Variants in MYLK observed in about 807,000 individuals in gnomAD.
MYLK encodes the protein myosin light chain kinase, smooth muscle.
Under a neutral mutation model 203.4 loss-of-function variants are expected in MYLK, and 106 were observed. The observed-to-expected ratio is 0.52, with a 90% CI of 0.45 to 0.61. The LOEUF is 0.61. Ranked by LOEUF, MYLK falls within the 20% of genes least tolerant of loss-of-function variation. MYLK has a pLI of 0.00. For missense variants in MYLK, 2,072 were observed against 2,442.3 expected, an observed-to-expected ratio of 0.85 and a Z score of 3.20; for synonymous variants, 867 against 959.5, an observed-to-expected ratio of 0.90 and a Z score of 1.78.
intron 3 of MYLK, 141 bp from the exon 4 acceptor site, chr3:123,793,985 C>T: frequency 1.2e-6 from 1 of 868,262 alleles, no homozygotes; most frequent in Non-Finnish European, 1.9e-6. Context: ...CCACCCACAG[C>T]TCCTCTGTGA....
intron 1 of MYLK, among the ~76,000 whole-genome samples, chr3:123,879,771 A>G (rs750501954): frequency 7.2e-5 from 11 of 151,892 alleles, no homozygotes; most frequent in Admixed American, 2.0e-4. Context: ...AGTTGCTGGG[A>G]CTACAGCCGA....
intron 19 of MYLK, chr3:123,692,202 C>T: frequency 1.8e-6 from 1 of 556,954 alleles, no homozygotes; most frequent in Non-Finnish European, 2.4e-6. Flanking sequence ...CCTCCCTCTG[C>T]AGTATTATTA....
At chr3:123,757,177 A>G (rs7633654) in intron 4 of MYLK, among the ~76,000 whole-genome samples, 136,531 of 152,214 alleles carry the variant, frequency 0.9, 62,972 homozygotes, top group East Asian at 1. Context: ...AGAGCACTAA[A>G]CATTTTGGTT....
chr3:123,657,281 C>T lies in MYLK; in HGVS notation c.4133G>A (p.Trp1378Ter). The change falls in exon 24 of 34, where the codon TGG becomes TAG. Residue 1378 changes from tryptophan to a stop codon, truncating the protein, a stop_gained. Transcript: ENST00000360304. LOFTEE classifies it high-confidence loss of function. ...GCTGCGGCATGTGGCTAGTTCCTTCCACGTCTTGTTGGCTGAGTCCCAGAT... is the reference window on the plus strand; with the variant it reads ...GCTGCGGCATGTGGCTAGTTCCTTCTACGTCTTGTTGGCTGAGTCCCAGAT... ...IEIWDSANKT[W>*]KELATCRSTS... The T allele has an allele frequency of 6.2e-7, 1 of 1,614,076 alleles. No individual in the cohort carries two copies. The highest frequency in any genetic ancestry group is 8.5e-7 in the Non-Finnish European group (1 of 1,180,032).
intron 5 of MYLK, among the ~76,000 whole-genome samples, chr3:123,749,753 C>T (rs2063138809): frequency 6.6e-6 from 1 of 152,200 alleles, no homozygotes; most frequent in Non-Finnish European, 1.5e-5. Flanking sequence ...CTCCAAGTCA[C>T]AGAAAAGGAA....
intron 3 of MYLK, among the ~76,000 whole-genome samples, chr3:123,810,126 A>C (rs1470656456): frequency 2.0e-5 from 3 of 152,176 alleles, no homozygotes; most frequent in Admixed American, 2.0e-4. Flanking sequence ...CTGTGTATTT[A>C]CTGAGTGCCC....
intron 27 of MYLK, among the ~76,000 whole-genome samples, chr3:123,645,508 A>G (rs2058986165): frequency 6.6e-6 from 1 of 152,100 alleles, no homozygotes; most frequent in Non-Finnish European, 1.5e-5. Context: ...TCACCAAAGG[A>G]CAGAGACCCC....
chr3:123,795,528 G>A (rs988628906), intron 3 of MYLK, among the ~76,000 whole-genome samples: 1 of 152,208 alleles, frequency 6.6e-6, no homozygotes, highest in Non-Finnish European at 1.5e-5. Context: ...GGAGTTTCAG[G>A]GGGAGTTTCC....
chr3:123,797,383 A>G (rs1359387109), intron 3 of MYLK, among the ~76,000 whole-genome samples: 1 of 152,096 alleles, frequency 6.6e-6, no homozygotes, highest in Non-Finnish European at 1.5e-5. Context: ...CAAGCTAGAG[A>G]CTTGGTATAC....
intron 20 of MYLK, chr3:123,681,728 A>T (rs2060271834): frequency 5.5e-6 from 1 of 183,322 alleles, no homozygotes; most frequent in South Asian, 1.2e-4. Flanking sequence ...CACATGTGGG[A>T]CCACGTGTGC....
At chr3:123,749,278 CA>C (rs571864269) in intron 5 of MYLK, among the ~76,000 whole-genome samples, 4,804 of 120,094 alleles carry the variant, frequency 0.04, 202 homozygotes, top group African/African-American at 0.12. Flanking sequence ...GACCTAGCCT[CA>C]AAAAAAAAAA....
At chr3:123,719,331 A>T (rs2332590) in intron 13 of MYLK, among the ~76,000 whole-genome samples, 3 of 152,074 alleles carry the variant, frequency 2.0e-5, no homozygotes, top group Admixed American at 2.0e-4. Context: ...AGCAGGCACG[A>T]GTGTTCATGG....
intron 15 of MYLK, among the ~76,000 whole-genome samples, chr3:123,708,262 G>A (rs2061541356): frequency 2.6e-5 from 4 of 152,178 alleles, no homozygotes; most frequent in Non-Finnish European, 4.4e-5. Flanking sequence ...ACGGGGCACC[G>A]AGCCAGGTGC....
At chr3:123,813,248 T>C (rs1446830026) in intron 3 of MYLK, among the ~76,000 whole-genome samples, 3 of 152,236 alleles carry the variant, frequency 2.0e-5, no homozygotes, top group Non-Finnish European at 4.4e-5. Flanking sequence ...TATTTACCCT[T>C]ACTTAAGCTT....
intron 20 of MYLK, chr3:123,681,944 G>A (rs1204795029): frequency 2.0e-6 from 1 of 488,460 alleles, no homozygotes. Context: ...AGGGCATGAA[G>A]GAGGTTGGGC....
chr3:123,867,551 G>A (rs887316122), intron 2 of MYLK, among the ~76,000 whole-genome samples: 4 of 152,016 alleles, frequency 2.6e-5, no homozygotes, highest in Admixed American at 2.0e-4. Context: ...TGCAGAGACT[G>A]GAGTGATACA....
intron 2 of MYLK, among the ~76,000 whole-genome samples, chr3:123,871,193 C>G (rs949372551): frequency 2.0e-5 from 3 of 152,108 alleles, no homozygotes; most frequent in African/African-American, 7.2e-5. Context: ...TTTCCCAACC[C>G]AACTGTCCCA....
At chr3:123,720,207 T>G (rs2062038071) in intron 13 of MYLK, among the ~76,000 whole-genome samples, 1 of 152,138 alleles carries the variant, frequency 6.6e-6, no homozygotes, top group Non-Finnish European at 1.5e-5. Flanking sequence ...CTTTTTGTTT[T>G]CCTTTGGATG....
At chr3:123,810,230 G>A (rs1247915958) in intron 3 of MYLK, among the ~76,000 whole-genome samples, 3 of 152,132 alleles carry the variant, frequency 2.0e-5, no homozygotes, top group Non-Finnish European at 4.4e-5. Context: ...GCGGACATAG[G>A]CCCCTCCCCC....
Sources: allele counts gnomAD v4.1 joint callset (sites outside exome capture counted in the v4.1 genomes callset), GRCh38; gene constraint gnomAD v4.1.1; transcripts MANE v1.5; gene names NCBI Gene and HGNC (gene_info 2026-07-23, HGNC 2026-07-21).